Variants in WWOX observed in about 807,000 individuals in gnomAD.
WWOX encodes WW domain-containing oxidoreductase.
Under a neutral mutation model 46.2 loss-of-function variants are expected in WWOX, and 69 were observed. The ratio of observed to expected loss-of-function variants is 1.49; its 90% CI spans 1.23 to 1.82. The LOEUF (loss-of-function observed/expected upper bound fraction) is 1.82. WWOX is among the 40% of genes most tolerant of loss of function. WWOX has a pLI of 0.00. For synonymous variants in WWOX, 359 were observed against 202.6 expected, an observed-to-expected ratio of 1.77 and a Z score of -6.56; for missense variants, 919 against 542.6, an observed-to-expected ratio of 1.69 and a Z score of -6.89.
At chr16:78,400,816 C>G (rs1019584837) in intron 6 of WWOX, among the ~76,000 whole-genome samples, 1 of 152,182 alleles carries the variant, frequency 6.6e-6, no homozygotes, top group Admixed American at 6.5e-5. Context: ...ATTCATATAT[C>G]AGAATAGCAC....
chr16:78,882,704 G>A (rs1207764855), intron 8 of WWOX, among the ~76,000 whole-genome samples: 2 of 151,840 alleles, frequency 1.3e-5, no homozygotes, highest in Non-Finnish European at 2.9e-5. Flanking sequence ...GGCCAGGCTG[G>A]CCTTGTATTT....
At chr16:78,601,721 C>T (rs992519068) in intron 8 of WWOX, among the ~76,000 whole-genome samples, 1 of 152,178 alleles carries the variant, frequency 6.6e-6, no homozygotes, top group African/African-American at 2.4e-5. Flanking sequence ...GAAGTCTTTT[C>T]TCTGGAAGGA....
intron 8 of WWOX, among the ~76,000 whole-genome samples, chr16:78,912,931 C>T (rs552913954): frequency 2.0e-5 from 3 of 152,092 alleles, no homozygotes; most frequent in Admixed American, 2.0e-4. Context: ...GCAAGAGAAA[C>T]CTCGAAGGGT....
intron 5 of WWOX, among the ~76,000 whole-genome samples, chr16:78,308,677 G>A (rs2080178592): frequency 6.6e-6 from 1 of 152,114 alleles, no homozygotes; most frequent in Admixed American, 6.5e-5. Context: ...TTCACTAGGA[G>A]TCTGGCACCT....
At chr16:78,810,490 G>A (rs149115187) in intron 8 of WWOX, among the ~76,000 whole-genome samples, 7 of 152,296 alleles carry the variant, frequency 4.6e-5, no homozygotes, top group African/African-American at 1.4e-4. Flanking sequence ...GGAACCCCCT[G>A]TATCACTTGA....
At chr16:79,174,389 C>T (rs1269398111) in intron 8 of WWOX, among the ~76,000 whole-genome samples, 1 of 152,322 alleles carries the variant, frequency 6.6e-6, no homozygotes, top group Middle Eastern at 3.4e-3. Flanking sequence ...TGGCTCACGC[C>T]TGTAATCCCA....
chr16:78,773,173 C>T lies in WWOX; in HGVS notation c.1056+340421C>T, dbSNP rs535608257. Among the ~76,000 whole-genome samples the T allele has an allele frequency of 8.5e-4, 129 of 152,310 alleles. 1 individual carries two copies. Among genetic ancestry groups the T allele is most frequent in the African/African-American group, 3.1e-3 (127 of 41,568 alleles). On this transcript the variant is annotated intron_variant, in intron 8 of 8. Coordinates refer to ENST00000566780, the MANE Select transcript of WWOX (RefSeq NM_016373.4). ...ACGATTTTGTCGGTATCCTAAGCCGCTAGAACAGTGCCTAAACATTTGTTG... is the reference window on the plus strand; with the variant it reads ...ACGATTTTGTCGGTATCCTAAGCCGTTAGAACAGTGCCTAAACATTTGTTG...
chr16:78,800,337 A>G (rs1217813348), intron 8 of WWOX, among the ~76,000 whole-genome samples: 2 of 152,150 alleles, frequency 1.3e-5, no homozygotes, highest in African/African-American at 2.4e-5. Flanking sequence ...TGCTTTTAAC[A>G]CAAAGACAAA....
At chr16:78,761,181 C>G (rs2049783974) in intron 8 of WWOX, among the ~76,000 whole-genome samples, 1 of 152,112 alleles carries the variant, frequency 6.6e-6, no homozygotes. Context: ...AGAACTATTG[C>G]ATTTTCTTTT....
intron 8 of WWOX, among the ~76,000 whole-genome samples, chr16:79,099,088 A>G (rs771138633): frequency 2.6e-4 from 39 of 152,268 alleles, no homozygotes; most frequent in Middle Eastern, 3.4e-3. Context: ...GAGAGGAAGC[A>G]AGAGAGAAGG....
intron 5 of WWOX, among the ~76,000 whole-genome samples, chr16:78,378,416 T>C (rs2151927330): frequency 6.6e-6 from 1 of 152,282 alleles, no homozygotes; most frequent in African/African-American, 2.4e-5. Flanking sequence ...AAAGAATCAC[T>C]AGTCAATGAA....
At chr16:78,214,219 G>A (rs9941303) in intron 5 of WWOX, among the ~76,000 whole-genome samples, 12,549 of 152,182 alleles carry the variant, frequency 0.082, 580 homozygotes, top group African/African-American at 0.11. Flanking sequence ...AGTCACCGCA[G>A]CTCCTCTTGA....
intron 8 of WWOX, among the ~76,000 whole-genome samples, chr16:78,603,045 A>G (rs1476988574): frequency 6.6e-6 from 1 of 152,210 alleles, no homozygotes; most frequent in African/African-American, 2.4e-5. Context: ...GAAATTGTGA[A>G]CGGGGTGGAG....
At chr16:78,951,457 G>T (rs540005976) in intron 8 of WWOX, among the ~76,000 whole-genome samples, 1 of 152,242 alleles carries the variant, frequency 6.6e-6, no homozygotes, top group Admixed American at 6.5e-5. Flanking sequence ...CTTAGAGCAT[G>T]GGAGCGGGAT....
intron 8 of WWOX, among the ~76,000 whole-genome samples, chr16:78,854,032 C>T (rs1331925762): frequency 6.6e-6 from 1 of 152,170 alleles, no homozygotes; most frequent in African/African-American, 2.4e-5. Context: ...TGTACCACCA[C>T]CTGAAGATAA....
chr16:78,910,646 A>G (rs1168821829), intron 8 of WWOX, among the ~76,000 whole-genome samples: 3 of 152,032 alleles, frequency 2.0e-5, no homozygotes, highest in South Asian at 2.1e-4. Context: ...AGGTGTCACC[A>G]TTATGGCAGA....
intron 8 of WWOX, among the ~76,000 whole-genome samples, chr16:78,712,643 T>A (rs2048467676): frequency 6.6e-6 from 1 of 152,126 alleles, no homozygotes; most frequent in African/African-American, 2.4e-5. Flanking sequence ...AAAATTTGAA[T>A]ATGGAGTAGC....
intron 8 of WWOX, among the ~76,000 whole-genome samples, chr16:79,064,237 A>G (rs2048403684): frequency 6.6e-6 from 1 of 152,232 alleles, no homozygotes; most frequent in African/African-American, 2.4e-5. Context: ...GTGTTGTAAT[A>G]CAAGGCAAAG....
intron 8 of WWOX, among the ~76,000 whole-genome samples, chr16:78,641,470 C>T (rs117013586): frequency 1.3e-5 from 2 of 152,030 alleles, no homozygotes; most frequent in Non-Finnish European, 2.9e-5. Flanking sequence ...CTCTCCCCAC[C>T]CAATCCCCTC....
Sources: allele counts gnomAD v4.1 joint callset (sites outside exome capture counted in the v4.1 genomes callset), GRCh38; gene constraint gnomAD v4.1.1; transcripts MANE v1.5; gene names NCBI Gene and HGNC (gene_info 2026-07-23, HGNC 2026-07-21).